Variants in ABCC4 observed in about 807,000 individuals in gnomAD.
ABCC4 encodes ATP binding cassette subfamily C member 4 (PEL blood group), also known as ATP-binding cassette sub-family C member 4.
A neutral mutation model predicts 168.5 loss-of-function variants in ABCC4; 102 were observed. That is an observed-to-expected ratio of 0.61 (90% confidence interval 0.52 to 0.71). The LOEUF (loss-of-function observed/expected upper bound fraction) is 0.71. ABCC4 is among the 30% of genes least tolerant of loss of function. The probability of loss-of-function intolerance (pLI) is 0.00; values close to 1 mark genes in which losing one functional copy is unlikely to be tolerated. For missense variants in ABCC4, 1,402 were observed against 1,605.8 expected (o/e 0.87, Z 2.17); for synonymous variants, 617 against 590.7 (o/e 1.04, Z -0.65).
chr13:95,207,777 G>C, intron 7 of ABCC4, 23 bp downstream of exon 7: 7 of 1,602,584 alleles, frequency 4.4e-6, no homozygotes, highest in Non-Finnish European at 6.0e-6. Flanking sequence ...CAAAAATATG[G>C]TACAATGTAT....
intron 1 of ABCC4, among the ~76,000 whole-genome samples, chr13:95,269,746 AAC>A (rs1395525562): frequency 6.6e-6 from 1 of 152,210 alleles, no homozygotes; most frequent in Non-Finnish European, 1.5e-5. Flanking sequence ...TGGATAATTT[AAC>A]AGTGTATATA....
chr13:95,189,347 T>C (rs1236872042), intron 9 of ABCC4, among the ~76,000 whole-genome samples: 1 of 151,610 alleles, frequency 6.6e-6, no homozygotes, highest in Non-Finnish European at 1.5e-5. Context: ...GGTCTCGATC[T>C]CCTGACCTCG....
rs2040773980 is a variant in ABCC4, at chr13:95,269,286, CT to C, written c.75-21534del. The C allele has an allele frequency of 2.2e-5, 10 of 452,120 alleles. 1 individual carries two copies. Among genetic ancestry groups the C allele is most frequent in the African/African-American group, 6.2e-5 (3 of 48,382 alleles). The allele number at this position is 452,120 out of a possible 1,614,324, so 28.0% of individuals were successfully genotyped here. On this transcript the variant is annotated intron_variant, in intron 1 of 30. Coordinates refer to ENST00000645237, the MANE Select transcript of ABCC4 (RefSeq NM_005845.5). ...ATCTTCCAAATACAGAGCCTACAAC[CT>C]GTCAGCAGCACAAGCAGCTCACCTG...
chr13:95,135,166 A>G (rs948123871), intron 19 of ABCC4, among the ~76,000 whole-genome samples: 34 of 152,304 alleles, frequency 2.2e-4, no homozygotes, highest in African/African-American at 7.2e-4. Context: ...TCACTATTTC[A>G]TCTACCATTT....
chr13:95,214,981 A>T (rs1824911), intron 4 of ABCC4, among the ~76,000 whole-genome samples: 113,127 of 151,820 alleles, frequency 0.75, 42,970 homozygotes, highest in Non-Finnish European at 0.84. Context: ...CATTTTCAGA[A>T]AAAGGCTGAG....
rs1566384851 is a variant in ABCC4 at position 95,064,293 on chromosome 13, TATATAC to T, written c.3211-1440_3211-1435del. On this transcript the variant is annotated intron_variant, in intron 25 of 30. Transcript: ENST00000645237. ...ATATATATATATATATATATATATA[TATATAC>T]ACACACACACACCAATTGAATTTCT... Among the ~76,000 whole-genome samples, 587 of 104,126 alleles carry T rather than the reference TATATAC, an allele frequency of 5.6e-3. 3 individuals carry two copies. The highest frequency in any genetic ancestry group is 0.023 in the Middle Eastern group (4 of 176). The allele number at this position is 104,126 out of a possible 152,430, so 68.3% of individuals were successfully genotyped here.
At chr13:95,047,308 T>C (rs190939482) in intron 27 of ABCC4, among the ~76,000 whole-genome samples, 24 of 152,250 alleles carry the variant, frequency 1.6e-4, no homozygotes, top group Non-Finnish European at 2.6e-4. Context: ...AATAAGACCA[T>C]ACTAAGATTA....
intron 1 of ABCC4, among the ~76,000 whole-genome samples, chr13:95,255,680 C>T (rs969955127): frequency 3.3e-5 from 5 of 152,328 alleles, no homozygotes; most frequent in Admixed American, 2.6e-4. Flanking sequence ...TCCCGCTTCA[C>T]TCTACTACCT....
chr13:95,162,451 T>G (rs1348979019), intron 18 of ABCC4, among the ~76,000 whole-genome samples: 2 of 152,200 alleles, frequency 1.3e-5, no homozygotes, highest in Non-Finnish European at 2.9e-5. Flanking sequence ...AGCACTCTTG[T>G]GAAAACAGAG....
chr13:95,123,474 C>T (rs1618485), intron 19 of ABCC4, among the ~76,000 whole-genome samples: 74,400 of 151,938 alleles, frequency 0.49, 18,907 homozygotes, highest in South Asian at 0.69. Flanking sequence ...GCAATTCTCC[C>T]GCTCAGCCTC....
intron 26 of ABCC4, among the ~76,000 whole-genome samples, chr13:95,060,322 AAGGTATATTT>A (rs1461410891): frequency 1.3e-5 from 2 of 152,246 alleles, no homozygotes; most frequent in Admixed American, 1.3e-4. Context: ...TGGTGATGTC[AAGGTATATTT>A]AGTCTTTGCT....
chr13:95,021,720 A>C, intron 30 of ABCC4, 38 bp from the exon 31 acceptor site: 1 of 1,461,054 alleles, frequency 6.8e-7, no homozygotes, highest in African/African-American at 1.4e-5. Flanking sequence ...AGAATGTTTC[A>C]AAATTTTAAA....
chr13:95,123,643 G>A (rs779225113), intron 19 of ABCC4, among the ~76,000 whole-genome samples: 1 of 152,200 alleles, frequency 6.6e-6, no homozygotes, highest in Non-Finnish European at 1.5e-5. Flanking sequence ...TTACAGGCAT[G>A]AGCCACCACA....
At chr13:95,242,272 G>C (rs2039968487) in intron 3 of ABCC4, among the ~76,000 whole-genome samples, 1 of 149,562 alleles carries the variant, frequency 6.7e-6, no homozygotes, top group South Asian at 2.1e-4. Flanking sequence ...CTGTCACCCA[G>C]GCTGAAGTGC....
chr13:95,197,161 G>T (rs775576066), intron 8 of ABCC4, among the ~76,000 whole-genome samples: 2 of 152,154 alleles, frequency 1.3e-5, no homozygotes, highest in Admixed American at 1.3e-4. Flanking sequence ...CATGAACACT[G>T]CACTGCACAC....
chr13:95,214,066 G>T (rs1043852171), intron 4 of ABCC4, among the ~76,000 whole-genome samples: 2 of 152,178 alleles, frequency 1.3e-5, no homozygotes, highest in African/African-American at 4.8e-5. Flanking sequence ...ACAAGTAGAT[G>T]TGAGTTTAGG....
Position 95,133,735 on chromosome 13 carries a change from AG to A in ABCC4, c.2456-17735del, listed in dbSNP as rs1380842028. ...CGACATCTGAGGGGAGGAATGGCAAAGGAAGAGCCTGCCTGTGGTGGCAGAG... is the reference window on the plus strand; with the variant it reads ...CGACATCTGAGGGGAGGAATGGCAAAGAAGAGCCTGCCTGTGGTGGCAGAG... On this transcript the variant is annotated intron_variant, in intron 19 of 30. Transcript: ENST00000645237. Among the ~76,000 whole-genome samples, 4 of 152,196 alleles carry A rather than the reference AG, an allele frequency of 2.6e-5. No homozygotes were observed. The East Asian group carries it at 7.7e-4, about 29-fold the overall frequency.
rs1356899305 is a variant in ABCC4 at position 95,075,457 on chromosome 13, A to C, written c.2781T>G (p.Phe927Leu). Residue 927 changes from phenylalanine to leucine, a missense_variant, in exon 22 of 31, where the codon TTT becomes TTG. This residue lies in a region of ABCC4 where 1,007 missense variants were observed against 1,127.3 expected (regional missense o/e 0.89). Coordinates refer to ENST00000645237, the MANE Select transcript of ABCC4 (RefSeq NM_005845.5). ...CTGAATGTAAATCCTGGTGTGCATC[A>C]AACAGTTCCTGACACCTCTCTTCTG... is the stretch of plus-strand genomic sequence containing the variant. Reference protein sequence around the residue: ...YKAEERCQELFDAHQDLHSEA... With the variant: ...YKAEERCQELLDAHQDLHSEA... The C allele has an allele frequency of 6.2e-7, 1 of 1,614,090 alleles. No homozygotes were observed. Among genetic ancestry groups the C allele is most frequent in the Non-Finnish European group, 8.5e-7 (1 of 1,179,996 alleles).
chr13:95,240,692 A>C (rs2039916515), intron 3 of ABCC4, among the ~76,000 whole-genome samples: 1 of 151,998 alleles, frequency 6.6e-6, no homozygotes, highest in African/African-American at 2.4e-5. Flanking sequence ...TATTTTTGAA[A>C]TGATCTTTAA....
Sources: allele counts gnomAD v4.1 joint callset (sites outside exome capture counted in the v4.1 genomes callset), GRCh38; gene constraint gnomAD v4.1.1; regional missense constraint gnomAD v4.1.1; transcripts MANE v1.5; gene names NCBI Gene and HGNC (gene_info 2026-07-23, HGNC 2026-07-21).